Variants in NAV1 observed in about 807,000 individuals in gnomAD.
NAV1 encodes the protein pore membrane and/or filament interacting like protein 3.
NAV1 carries 18 observed loss-of-function variants against 175.2 expected under a neutral mutation model. The observed-to-expected ratio is 0.10, with a 90% CI of 0.07 to 0.15. The LOEUF is 0.15. Ranked by LOEUF, NAV1 falls within the 10% of genes least tolerant of loss-of-function variation. The pLI is 1.00. For synonymous variants in NAV1, 897 were observed against 978.7 expected, an observed-to-expected ratio of 0.92 and a Z score of 1.56; for missense variants, 1,731 against 2,436.6, an observed-to-expected ratio of 0.71 and a Z score of 6.10.
chr1:201,768,895 A>G (rs774622992), intron 3 of NAV1, among the ~76,000 whole-genome samples: 2 of 152,202 alleles, frequency 1.3e-5, no homozygotes, highest in South Asian at 2.1e-4. Context: ...AATCTGGTGT[A>G]GTTCCAAGAA....
At chr1:201,570,334 C>T (rs375847453) in intron 1 of NAV1, among the ~76,000 whole-genome samples, 8 of 152,302 alleles carry the variant, frequency 5.3e-5, no homozygotes, top group East Asian at 1.9e-4. Flanking sequence ...GGCAAGACAG[C>T]CCTGAATTCT....
At chr1:201,784,192 T>C (rs1181931764) in intron 7 of NAV1, among the ~76,000 whole-genome samples, 2 of 152,206 alleles carry the variant, frequency 1.3e-5, no homozygotes, top group African/African-American at 4.8e-5. Context: ...AGTTTTGCTC[T>C]TGTTGCCCAG....
At chr1:201,739,899 TA>T in intron 3 of NAV1, 1 of 1,289,606 alleles carries the variant, frequency 7.8e-7, no homozygotes, top group Non-Finnish European at 9.9e-7. Context: ...AGGCGAGGGT[TA>T]GGTTTCCGAC....
Position 201,740,265 on chromosome 1 carries a change from C to T in NAV1, c.1226+21510C>T, listed in dbSNP as rs923058131. On this transcript the variant is annotated intron_variant, in intron 3 of 29. Coordinates refer to ENST00000367296, the Ensembl canonical transcript of NAV1. The surrounding 1 kb of genome is among the most constrained non-coding windows in gnomAD (Gnocchi z 4.7). ...TTCCGCCAGAGAGGAGTGCCTGCGC[C>T]GCCGGAGCCTCCGAGCTCCTGGACG... Among the ~76,000 whole-genome samples the T allele has an allele frequency of 2.6e-5, 4 of 152,210 alleles. No homozygotes were observed. The highest frequency in any genetic ancestry group is 7.2e-5 in the African/African-American group (3 of 41,456).
chr1:201,628,305 T>C (rs1386576865), intron 1 of NAV1, among the ~76,000 whole-genome samples: 1 of 151,974 alleles, frequency 6.6e-6, no homozygotes, highest in African/African-American at 2.4e-5. Context: ...AGCTCAGCAC[T>C]GCCTAAATAG....
intron 2 of NAV1, among the ~76,000 whole-genome samples, chr1:201,595,826 T>C (rs1357004820): frequency 6.6e-6 from 1 of 152,262 alleles, no homozygotes; most frequent in Non-Finnish European, 1.5e-5. Flanking sequence ...GCAACCAAGG[T>C]GCCCTTCTTC....
intron 1 of NAV1, among the ~76,000 whole-genome samples, chr1:201,542,022 G>T (rs1425719561): frequency 6.6e-6 from 1 of 152,134 alleles, no homozygotes; most frequent in Non-Finnish European, 1.5e-5. Flanking sequence ...AAACCAGAAT[G>T]TCAAAGTTAA....
chr1:201,599,607 C>T (rs1221316733), intron 2 of NAV1, among the ~76,000 whole-genome samples: 1 of 152,214 alleles, frequency 6.6e-6, no homozygotes, highest in African/African-American at 2.4e-5. Flanking sequence ...CACTTCGATG[C>T]TCAAGTCATG....
intron 1 of NAV1, among the ~76,000 whole-genome samples, chr1:201,561,954 C>T (rs1666213136): frequency 6.6e-6 from 1 of 152,168 alleles, no homozygotes. Flanking sequence ...GAGAATCAAC[C>T]AAGGAGACCA....
At chr1:201,588,741 T>C (rs574561607) in intron 2 of NAV1, among the ~76,000 whole-genome samples, 92 bp downstream of exon 2, 55 of 152,258 alleles carry the variant, frequency 3.6e-4, no homozygotes, top group Non-Finnish European at 5.7e-4. Context: ...AACTATTAGT[T>C]ATGGGTTTCT....
At chr1:201,597,626 C>A (rs2102225478) in intron 2 of NAV1, among the ~76,000 whole-genome samples, 2 of 152,334 alleles carry the variant, frequency 1.3e-5, no homozygotes, top group South Asian at 4.1e-4. Context: ...CCACAGGCTG[C>A]AGAGCCCCTG....
At position 201,817,858 on chromosome 1, in the gene NAV1, GA is replaced by G. The variant is rs1219638357; in HGVS notation, c.5538+575del. On this transcript the variant is annotated intron_variant, in intron 29 of 29. Coordinates refer to ENST00000367296, the Ensembl canonical transcript of NAV1. ...AGGCTAAGCCAAGTACAAACTGGGG[GA>G]ATATCTGCAATGCCTGTAGCCAGAA... is the stretch of plus-strand genomic sequence containing the variant. 2.0e-5 allele frequency among the ~76,000 whole-genome samples: 3 copies of G among 152,258 alleles called. No homozygotes were observed. The East Asian group carries it at 5.8e-4, about 29-fold the overall frequency.
At chr1:201,766,980 C>G (rs1675249550) in intron 3 of NAV1, among the ~76,000 whole-genome samples, 1 of 151,746 alleles carries the variant, frequency 6.6e-6, no homozygotes, top group Admixed American at 6.6e-5. Flanking sequence ...CACCACCACA[C>G]CCAGCTAATT....
In NAV1 at chr1:201,809,243, G is replaced by A. The variant is rs542596266; in HGVS notation, c.4287G>A (p.Pro1429=). The change falls in exon 21 of 30, where the codon CCG becomes CCA. Residue 1429 remains proline (P), a synonymous_variant. Transcript: ENST00000367296. ...TCCGGGTGGTGGTGAGGATGCCCCCGCAGCACATCATCAAAGGGGTAAGGA... is the reference window on the plus strand; with the variant it reads ...TCCGGGTGGTGGTGAGGATGCCCCCACAGCACATCATCAAAGGGGTAAGGA... 6.9e-5 allele frequency: 112 copies of A among 1,613,760 alleles called. 2 individuals carry two copies. The highest frequency in any genetic ancestry group is 4.2e-4 in the East Asian group (19 of 44,890).
intron 1 of NAV1, among the ~76,000 whole-genome samples, chr1:201,570,627 T>C (rs1666507124): frequency 6.6e-6 from 1 of 152,236 alleles, no homozygotes; most frequent in Admixed American, 6.5e-5. Context: ...GCCTGGCCTA[T>C]ACTGAAGGGT....
chr1:201,712,995 CG>C, intron 2 of NAV1, 76 bp downstream of exon 6: 1 of 1,101,708 alleles, frequency 9.1e-7, no homozygotes, highest in Non-Finnish European at 1.4e-6. Context: ...GCAGGGCCCC[CG>C]GGTCCCTCCA....
chr1:201,811,779 C>T, intron 25 of NAV1, 22 bp downstream of exon 29: 1 of 1,603,066 alleles, frequency 6.2e-7, no homozygotes, highest in Middle Eastern at 1.7e-4. Flanking sequence ...GGGATCAAGA[C>T]AAAATTCATC....
At position 201,787,524 on chromosome 1, in the gene NAV1, T is replaced by G; in HGVS notation, c.2996-944T>G. The G allele has an allele frequency of 2.6e-6, 1 of 391,458 alleles. No homozygotes were observed. Among genetic ancestry groups the G allele is most frequent in the Non-Finnish European group, 5.2e-6 (1 of 192,656 alleles). The allele number at this position is 391,458 out of a possible 1,614,324, so 24.2% of individuals were successfully genotyped here. On this transcript the variant is annotated intron_variant, in intron 9 of 29. Coordinates refer to ENST00000367296, the Ensembl canonical transcript of NAV1. This position sits in a 1 kb window ranked among gnomAD's most constrained non-coding sequence, Gnocchi z 4.3. ...AATGGAGGATGGGGCCAGCTTGTTC[T>G]CTATCTCCATTGAAGACCAAATAAG...
intron 1 of NAV1, among the ~76,000 whole-genome samples, chr1:201,682,045 G>C (rs1670485912): frequency 6.6e-6 from 1 of 151,694 alleles, no homozygotes; most frequent in Non-Finnish European, 1.5e-5. Flanking sequence ...GAAACCGGAA[G>C]GTGGAGGTTG....
Sources: allele counts gnomAD v4.1 joint callset (sites outside exome capture counted in the v4.1 genomes callset), GRCh38; gene constraint gnomAD v4.1.1; non-coding constraint Gnocchi (gnomAD v3.1); transcripts MANE v1.5; gene names NCBI Gene and HGNC (gene_info 2026-07-23, HGNC 2026-07-21).